Variants in STK32B observed in about 807,000 individuals in gnomAD.
STK32B encodes serine/threonine kinase 32B, also known as serine/threonine-protein kinase 32B.
STK32B carries 43 observed loss-of-function variants against 52.6 expected under a neutral mutation model. The ratio of observed to expected loss-of-function variants is 0.82; its 90% CI spans 0.64 to 1.05. The LOEUF is 1.05. STK32B is among the 50% of genes least tolerant of loss of function. The pLI, the probability that STK32B is intolerant of heterozygous loss-of-function variation, is 0.00. For synonymous variants in STK32B, 238 were observed against 204.3 expected (o/e 1.17, Z -1.41); for missense variants, 621 against 534.6 (o/e 1.16, Z -1.59).
At chr4:5,357,909 A>G (rs1307901854) in intron 4 of STK32B, among the ~76,000 whole-genome samples, 1 of 152,164 alleles carries the variant, frequency 6.6e-6, no homozygotes, top group South Asian at 2.1e-4. Flanking sequence ...GTACTCTTTC[A>G]TTACCCTGTG....
the STK32B span, among the ~76,000 whole-genome samples, chr4:5,026,207 C>T: frequency 2.0e-5 from 3 of 152,218 alleles, no homozygotes; most frequent in South Asian, 2.1e-4. Flanking sequence ...TTAACCCTTT[C>T]CTGCAAGCTG....
chr4:5,185,100 A>G (rs1453034422), intron 3 of STK32B, among the ~76,000 whole-genome samples: 1 of 152,164 alleles, frequency 6.6e-6, no homozygotes, highest in Non-Finnish European at 1.5e-5. Context: ...TTAGCATTAG[A>G]CTGTTATCCT....
At chr4:5,087,403 GAC>G (rs1361503978) in intron 1 of STK32B, among the ~76,000 whole-genome samples, 3 of 151,834 alleles carry the variant, frequency 2.0e-5, no homozygotes, top group African/African-American at 7.2e-5. Flanking sequence ...AAAAAGCTAT[GAC>G]TTATAGAAAG....
intron 4 of STK32B, among the ~76,000 whole-genome samples, chr4:5,360,870 T>C (rs949328773): frequency 2.0e-5 from 3 of 152,226 alleles, no homozygotes; most frequent in African/African-American, 7.2e-5. Flanking sequence ...ACAGATAATT[T>C]AGCACCTTAA....
intron 1 of STK32B, among the ~76,000 whole-genome samples, chr4:5,108,461 G>A (rs1317801705): frequency 6.6e-6 from 1 of 152,164 alleles, no homozygotes; most frequent in East Asian, 1.9e-4. Context: ...ATGTTTGGGT[G>A]TTGAGGTTAT....
intron 3 of STK32B, among the ~76,000 whole-genome samples, chr4:5,296,425 G>C (rs1193634613): frequency 1.3e-5 from 2 of 152,296 alleles, no homozygotes; most frequent in East Asian, 3.9e-4. Flanking sequence ...CTAAGAACTT[G>C]CTTTATGAAT....
intron 4 of STK32B, among the ~76,000 whole-genome samples, chr4:5,341,158 G>T (rs995916796): frequency 7.2e-5 from 11 of 152,230 alleles, no homozygotes; most frequent in Middle Eastern, 3.4e-3. Context: ...GGATTTCATC[G>T]ACTCCTCACA....
chr4:5,382,749 T>C (rs12651236), intron 4 of STK32B, among the ~76,000 whole-genome samples: 38,700 of 152,160 alleles, frequency 0.25, 5,858 homozygotes, highest in African/African-American at 0.43. Context: ...TCATTAAGCT[T>C]TCACCATATG....
chr4:5,060,062 G>A (rs1419530308), intron 1 of STK32B, among the ~76,000 whole-genome samples: 1 of 152,136 alleles, frequency 6.6e-6, no homozygotes, highest in African/African-American at 2.4e-5. Context: ...CACCTCCCGG[G>A]TTCAAGTGAT....
intron 11 of STK32B, among the ~76,000 whole-genome samples, chr4:5,493,052 T>C (rs1280005587): frequency 6.6e-6 from 1 of 151,470 alleles, no homozygotes; most frequent in Non-Finnish European, 1.5e-5. Flanking sequence ...TTTATGGTTG[T>C]GTCTCTGCCT....
At position 5,386,189 on chromosome 4, in the gene STK32B, C is replaced by T. The variant is rs564506261; in HGVS notation, c.435-12018C>T. On this transcript the variant is annotated intron_variant, in intron 4 of 11. Transcript: ENST00000282908. The surrounding 1 kb of genome is among the most constrained non-coding windows in gnomAD (Gnocchi z 4.5). ...CCAGCCGTCTGTCTCTCACACAGCA[C>T]CCTCACTCTCCCCCTCTATTTCCCT... Among the ~76,000 whole-genome samples, 34 of 152,084 alleles carry T rather than the reference C, an allele frequency of 2.2e-4. No homozygotes were observed. Among genetic ancestry groups the T allele is most frequent in the Admixed American group, 8.5e-4 (13 of 15,272 alleles).
chr4:5,065,992 G>C (rs1455045242), intron 1 of STK32B, among the ~76,000 whole-genome samples: 1 of 152,132 alleles, frequency 6.6e-6, no homozygotes, highest in Non-Finnish European at 1.5e-5. Context: ...CCAAAGTGCT[G>C]GGATTACAGG....
At position 5,399,691 on chromosome 4, in the gene STK32B, T is replaced by C. The variant is rs1225057712; in HGVS notation, c.472+1447T>C. On this transcript the variant is annotated intron_variant, in intron 5 of 11. Coordinates refer to ENST00000282908, the MANE Select transcript of STK32B (RefSeq NM_018401.3). This position sits in a 1 kb window ranked among gnomAD's most constrained non-coding sequence, Gnocchi z 5.4. Reference sequence around the variant, plus strand: ...AGCCAGCTGAATGTCCTTGGGCCAGTGGCTGTACCTCCGTGTCTCAGCCTT... The same window carrying C: ...AGCCAGCTGAATGTCCTTGGGCCAGCGGCTGTACCTCCGTGTCTCAGCCTT... Among the ~76,000 whole-genome samples the C allele has an allele frequency of 6.6e-6, 1 of 152,206 alleles. No homozygotes were observed. The highest frequency in any genetic ancestry group is 2.4e-5 in the African/African-American group (1 of 41,452).
chr4:5,187,274 T>G (rs1247303530), intron 3 of STK32B, among the ~76,000 whole-genome samples: 1 of 152,208 alleles, frequency 6.6e-6, no homozygotes, highest in Non-Finnish European at 1.5e-5. Flanking sequence ...CTTCATGCTT[T>G]CCCAAGGGTC....
chr4:5,410,880 G>A (rs1282418430), intron 5 of STK32B, among the ~76,000 whole-genome samples: 1 of 152,148 alleles, frequency 6.6e-6, no homozygotes, highest in African/African-American at 2.4e-5. Context: ...AAGATCGTGG[G>A]CAGATTCAGT....
chr4:5,038,693 A>G, the STK32B span, among the ~76,000 whole-genome samples: 1 of 152,224 alleles, frequency 6.6e-6, no homozygotes, highest in African/African-American at 2.4e-5. Flanking sequence ...GGGTACTTAC[A>G]ATGAATGGAG....
chr4:5,222,308 G>T (rs1723588713), intron 3 of STK32B, among the ~76,000 whole-genome samples: 1 of 152,202 alleles, frequency 6.6e-6, no homozygotes, highest in African/African-American at 2.4e-5. Context: ...TGGGTAATGG[G>T]TAGAGGCTGA....
chr4:5,236,288 A>T (rs10014772), intron 3 of STK32B, among the ~76,000 whole-genome samples: 8,450 of 152,138 alleles, frequency 0.056, 453 homozygotes, highest in African/African-American at 0.14. Context: ...CCTACAATCA[A>T]GCCTCCCCTC....
intron 3 of STK32B, among the ~76,000 whole-genome samples, chr4:5,227,996 A>G (rs1723988766): frequency 6.6e-6 from 1 of 152,152 alleles, no homozygotes; most frequent in Admixed American, 6.5e-5. Context: ...TCCTTGGAAT[A>G]AATGAGATCC....
Sources: allele counts gnomAD v4.1 joint callset (sites outside exome capture counted in the v4.1 genomes callset), GRCh38; gene constraint gnomAD v4.1.1; non-coding constraint Gnocchi (gnomAD v3.1); transcripts MANE v1.5; gene names NCBI Gene and HGNC (gene_info 2026-07-23, HGNC 2026-07-21).